Variants in ACSS3 observed in about 807,000 individuals in gnomAD.
ACSS3 encodes the protein acyl-CoA synthetase short chain family member 3.
In ACSS3, 64 loss-of-function variants were observed where a neutral mutation model predicts 84.2. That is an observed-to-expected ratio of 0.76 (90% CI 0.62 to 0.94). ACSS3 has a LOEUF of 0.94. Among genes scored for constraint, ACSS3 ranks in the 40% least tolerant of loss-of-function variants. The pLI is 0.00. For synonymous variants in ACSS3, 317 were observed against 310.1 expected, an observed-to-expected ratio of 1.02 and a Z score of -0.23; for missense variants, 815 against 867.6, an observed-to-expected ratio of 0.94 and a Z score of 0.76.
At chr12:81,115,818 A>T (rs144309820) in intron 2 of ACSS3, among the ~76,000 whole-genome samples, 1 of 152,150 alleles carries the variant, frequency 6.6e-6, no homozygotes, top group Admixed American at 6.6e-5. Context: ...AGTTGAGAAG[A>T]CATTTGCCCC....
chr12:81,139,132 C>A lies in ACSS3; in HGVS notation c.647C>A (p.Pro216His). Residue 216 changes from proline to histidine, a missense_variant and splice_region_variant, in exon 4 of 16, where the codon CCC becomes CAC. Pro to His is a moderately conservative substitution (Grantham distance 77). Coordinates refer to ENST00000548058, the MANE Select transcript of ACSS3 (RefSeq NM_024560.4). Reference protein sequence around the residue: ...ELSSRIDHVKPKVVVTASFGI... With the variant: ...ELSSRIDHVKHKVVVTASFGI... ...TCCATTATTATTTTTTAATTGTAGC[C>A]CAAGGTGGTTGTTACAGCATCATTT... 1.9e-6 allele frequency: 3 copies of A among 1,611,902 alleles called. No individual in the cohort carries two copies. Among genetic ancestry groups the A allele is most frequent in the Non-Finnish European group, 2.5e-6 (3 of 1,178,742 alleles).
In ACSS3 at chr12:81,256,690, T is replaced by A. The variant is rs2034311925; in HGVS notation, c.*1768T>A. 1 of 152,142 alleles carries A rather than the reference T, an allele frequency of 6.6e-6. No homozygotes were observed. The allele number at this position is 152,142 out of a possible 1,614,324, so 9.4% of individuals were successfully genotyped here. A position where few individuals can be genotyped will look rare whatever the true frequency, so the allele number is the denominator to read the frequency against. The stretch of plus-strand genomic sequence containing the variant: ...TTATAAAAATGACCTACAACTTATA[T>A]AAAAAAATTCTGAAAATGTTGACTT... On this transcript the variant is annotated 3_prime_UTR_variant, in exon 16 of 16. Coordinates refer to ENST00000548058, the MANE Select transcript of ACSS3 (RefSeq NM_024560.4).
At chr12:81,165,423 A>T (rs138534986) in intron 7 of ACSS3, among the ~76,000 whole-genome samples, 1 of 152,162 alleles carries the variant, frequency 6.6e-6, no homozygotes, top group Non-Finnish European at 1.5e-5. Context: ...AGACAGGCGG[A>T]TCACGAGGTC....
At chr12:81,207,421 A>C (rs1404558473) in intron 9 of ACSS3, among the ~76,000 whole-genome samples, 2 of 152,164 alleles carry the variant, frequency 1.3e-5, no homozygotes, top group Non-Finnish European at 2.9e-5. Context: ...GACTGCCTTT[A>C]CATCCCAATT....
chr12:81,151,035 A>T (rs1396668707), intron 5 of ACSS3, among the ~76,000 whole-genome samples: 1 of 152,174 alleles, frequency 6.6e-6, no homozygotes, highest in Non-Finnish European at 1.5e-5. Flanking sequence ...ATGATGATTA[A>T]TGTTTTTTAA....
At chr12:81,091,782 T>A (rs1881683780) in intron 1 of ACSS3, among the ~76,000 whole-genome samples, 1 of 152,126 alleles carries the variant, frequency 6.6e-6, no homozygotes, top group Non-Finnish European at 1.5e-5. Flanking sequence ...TGTGCATACC[T>A]GTGTATGTGT....
At chr12:81,096,803 T>C (rs7302170) in intron 1 of ACSS3, among the ~76,000 whole-genome samples, 10,878 of 152,184 alleles carry the variant, frequency 0.071, 598 homozygotes, top group African/African-American at 0.16. Context: ...CATGAACTCA[T>C]CCTTTTTTAT....
chr12:81,207,871 G>A (rs1175298220), intron 9 of ACSS3, among the ~76,000 whole-genome samples: 1 of 152,018 alleles, frequency 6.6e-6, no homozygotes, highest in Non-Finnish European at 1.5e-5. Context: ...CTTCTCCATT[G>A]AGTCCTCCAC....
intron 2 of ACSS3, among the ~76,000 whole-genome samples, chr12:81,115,956 T>C (rs909733884): frequency 7.9e-5 from 12 of 152,132 alleles, no homozygotes; most frequent in Non-Finnish European, 1.3e-4. Flanking sequence ...AGTGCCGGTA[T>C]TTAAGGATCT....
chr12:81,112,939 T>C (rs1921359), intron 2 of ACSS3, among the ~76,000 whole-genome samples: 134,326 of 152,092 alleles, frequency 0.88, 60,492 homozygotes, highest in Middle Eastern at 0.98. Flanking sequence ...GATTCAGAAG[T>C]AGAGGTTTTC....
At chr12:81,243,933 C>T (rs1460282272) in intron 13 of ACSS3, among the ~76,000 whole-genome samples, 1 of 152,038 alleles carries the variant, frequency 6.6e-6, no homozygotes, top group Non-Finnish European at 1.5e-5. Flanking sequence ...TTCTGATGCT[C>T]TTCCTTTATT....
chr12:81,176,897 C>A (rs1003869424), intron 8 of ACSS3, among the ~76,000 whole-genome samples: 1 of 152,106 alleles, frequency 6.6e-6, no homozygotes, highest in Non-Finnish European at 1.5e-5. Context: ...TCCTAATGAA[C>A]ATAGATGCAA....
intron 5 of ACSS3, among the ~76,000 whole-genome samples, chr12:81,149,708 T>C (rs1886517754): frequency 6.6e-6 from 1 of 152,182 alleles, no homozygotes; most frequent in Non-Finnish European, 1.5e-5. Context: ...ATTACGGCTC[T>C]TCTCACTCCT....
chr12:81,187,345 TAAAC>T (rs896343471), intron 8 of ACSS3, among the ~76,000 whole-genome samples: 2 of 151,738 alleles, frequency 1.3e-5, no homozygotes, highest in African/African-American at 4.8e-5. Flanking sequence ...TTATTAAAAT[TAAAC>T]AAGAAAATGT....
At chr12:81,182,952 A>G (rs1223083300) in intron 8 of ACSS3, among the ~76,000 whole-genome samples, 1 of 152,188 alleles carries the variant, frequency 6.6e-6, no homozygotes, top group African/African-American at 2.4e-5. Flanking sequence ...GGACATGAAT[A>G]CTGACACAGA....
intron 9 of ACSS3, among the ~76,000 whole-genome samples, chr12:81,209,551 G>T (rs1245355040): frequency 6.6e-6 from 1 of 152,198 alleles, no homozygotes; most frequent in East Asian, 1.9e-4. Flanking sequence ...TGATGAATTT[G>T]TTACCTGAAA....
chr12:81,203,416 C>T (rs558725282), intron 9 of ACSS3, among the ~76,000 whole-genome samples: 1 of 152,160 alleles, frequency 6.6e-6, no homozygotes, highest in Non-Finnish European at 1.5e-5. Context: ...TTAATTCAGT[C>T]AAGTTGACAC....
chr12:81,150,182 T>C (rs1354846926), intron 5 of ACSS3, among the ~76,000 whole-genome samples: 1 of 152,192 alleles, frequency 6.6e-6, no homozygotes, highest in Non-Finnish European at 1.5e-5. Context: ...CTAGTTTTAA[T>C]AATGTTTAGA....
chr12:81,118,760 C>T (rs61934933), intron 2 of ACSS3, among the ~76,000 whole-genome samples: 1 of 152,156 alleles, frequency 6.6e-6, no homozygotes, highest in Non-Finnish European at 1.5e-5. Context: ...TCCTCAGACA[C>T]ATACTGAATG....
Sources: allele counts gnomAD v4.1 joint callset (sites outside exome capture counted in the v4.1 genomes callset), GRCh38; gene constraint gnomAD v4.1.1; transcripts MANE v1.5; gene names NCBI Gene and HGNC (gene_info 2026-07-23, HGNC 2026-07-21).